The following ZDHHC21 variants were observed in gnomAD, a reference collection of about 807,000 sequenced individuals.
ZDHHC21 encodes palmitoyltransferase ZDHHC21.
A neutral mutation model predicts 34.6 loss-of-function variants in ZDHHC21; 15 were observed. The observed-to-expected ratio is 0.43, with a 90% CI of 0.29 to 0.67. The LOEUF is 0.67. Among genes scored for constraint, ZDHHC21 ranks in the 30% least tolerant of loss-of-function variants. The probability of loss-of-function intolerance (pLI) is 0.14; values close to 1 mark genes in which losing one functional copy is unlikely to be tolerated. For synonymous variants in ZDHHC21, 142 were observed against 101.8 expected, an observed-to-expected ratio of 1.40 and a Z score of -2.38; for missense variants, 344 against 327.7, an observed-to-expected ratio of 1.05 and a Z score of -0.38.
the ZDHHC21 span, among the ~76,000 whole-genome samples, chr9:14,604,322 T>C: frequency 2.6e-5 from 4 of 152,172 alleles, no homozygotes; most frequent in Non-Finnish European, 5.9e-5. Context: ...ATTCAAATAA[T>C]TGTTCTGTGG....
chr9:14,614,101 C>T lies in ZDHHC21; in HGVS notation c.*4865G>A, dbSNP rs758065085. On this transcript the variant is annotated 3_prime_UTR_variant, in exon 10 of 10. Coordinates refer to ENST00000380916, the MANE Select transcript of ZDHHC21 (RefSeq NM_178566.6). ...CTAAAATGATTACAGCAAAGAGATT[C>T]TCTGATGTCAGAAACTGGCTCCAGT... 2.0e-4 allele frequency: 30 copies of T among 151,674 alleles called. No individual in the cohort carries two copies. The highest frequency in any genetic ancestry group is 3.1e-4 in the Non-Finnish European group (21 of 67,740). 9.4% of individuals were successfully genotyped at this position (151,674 alleles called of 1,614,324 possible).
intron 7 of ZDHHC21, among the ~76,000 whole-genome samples, chr9:14,657,336 T>C (rs1361977626): frequency 6.6e-6 from 1 of 152,160 alleles, no homozygotes; most frequent in Non-Finnish European, 1.5e-5. Context: ...AGTTTACATA[T>C]ATTATTTCAT....
chr9:14,652,641 G>A (rs1831427893), intron 7 of ZDHHC21, among the ~76,000 whole-genome samples: 1 of 151,888 alleles, frequency 6.6e-6, no homozygotes. Flanking sequence ...GAGAGAAATG[G>A]AAGAAAATCA....
At chr9:14,609,110 T>C (rs557069307), downstream of ZDHHC21, among the ~76,000 whole-genome samples, 2 of 152,070 alleles carry the variant, frequency 1.3e-5, no homozygotes, top group South Asian at 2.1e-4. Context: ...CCAAATTAAC[T>C]AGATTAAACC....
In ZDHHC21 at chr9:14,619,088, G is replaced by C. The variant is rs766685168; in HGVS notation, c.676C>G (p.Arg226Gly). ...GAGAAGGTCTGCTGCCATGGCTTTC[G>C]GGGCCTCGATCTACAGAAGACAGCA... is the stretch of plus-strand genomic sequence containing the variant. ...SNCCEDISRPRKPWQQTFSEV... is the reference protein window; with the variant it reads ...SNCCEDISRPGKPWQQTFSEV... Residue 226 changes from arginine to glycine, a missense_variant, in exon 10 of 10, where the codon CGA (arginine) becomes GGA (glycine). Transcript: ENST00000380916. 4 of 1,608,742 alleles carry C rather than the reference G, an allele frequency of 2.5e-6. No individual in the cohort carries two copies. Among genetic ancestry groups the C allele is most frequent in the South Asian group, 2.2e-5 (2 of 90,314 alleles).
At chr9:14,591,394 C>T in the ZDHHC21 span, among the ~76,000 whole-genome samples, 28 of 152,186 alleles carry the variant, frequency 1.8e-4, no homozygotes, top group South Asian at 5.4e-3. Context: ...CCTTCTGCCA[C>T]TGAGAATGCA....
the ZDHHC21 span, among the ~76,000 whole-genome samples, chr9:14,591,056 A>T: frequency 6.6e-6 from 1 of 152,264 alleles, no homozygotes; most frequent in South Asian, 2.1e-4. Flanking sequence ...AGTCTGTGAT[A>T]TGGCATATTG....
intron 5 of ZDHHC21, among the ~76,000 whole-genome samples, chr9:14,665,522 G>A (rs1014351514): frequency 6.6e-6 from 1 of 151,954 alleles, no homozygotes; most frequent in Non-Finnish European, 1.5e-5. Context: ...TCCCCAAGAA[G>A]AAAAACTCCA....
At chr9:14,608,034 G>A (rs16932051), downstream of ZDHHC21, among the ~76,000 whole-genome samples, 550 of 152,210 alleles carry the variant, frequency 3.6e-3, 2 homozygotes, top group African/African-American at 0.013. Flanking sequence ...TGAAAAACTC[G>A]CTAAAAGCCA....
chr9:14,609,324 T>C (rs1166655698), downstream of ZDHHC21, among the ~76,000 whole-genome samples: 1 of 152,124 alleles, frequency 6.6e-6, no homozygotes, highest in Non-Finnish European at 1.5e-5. Flanking sequence ...ACTGTTTGAG[T>C]TGCAAGCTGA....
chr9:14,674,129 A>G, intron 4 of ZDHHC21, 58 bp downstream of exon 4: 1 of 1,268,474 alleles, frequency 7.9e-7, no homozygotes, highest in Non-Finnish European at 1.0e-6. Context: ...ACTACACCCC[A>G]AAAACGTTTA....
chr9:14,635,098 G>A (rs1586981987), intron 8 of ZDHHC21, among the ~76,000 whole-genome samples: 1 of 152,200 alleles, frequency 6.6e-6, no homozygotes, highest in African/African-American at 2.4e-5. Context: ...TTCATTACTT[G>A]AAGACAGGTA....
At position 14,664,050 on chromosome 9, in the gene ZDHHC21, G is replaced by A. The variant is rs577360609; in HGVS notation, c.254-1724C>T. On this transcript the variant is annotated intron_variant, in intron 5 of 9. Transcript: ENST00000380916. ...ACAGCTCCGGTCTACAGCTCCCAGC[G>A]TGAGCGACGCAGAAGACGGGTGATT... Among the ~76,000 whole-genome samples, 5 of 152,312 alleles carry A rather than the reference G, an allele frequency of 3.3e-5. 1 individual carries two copies. The South Asian group carries it at 1.0e-3, about 32-fold the overall frequency.
At chr9:14,639,296 G>A (rs1407356944) in intron 8 of ZDHHC21, among the ~76,000 whole-genome samples, 2 of 152,058 alleles carry the variant, frequency 1.3e-5, no homozygotes, top group Non-Finnish European at 2.9e-5. Context: ...TCATATGGGA[G>A]AGCCAAAAAA....
At chr9:14,682,324 C>T (rs1431587229) in intron 2 of ZDHHC21, among the ~76,000 whole-genome samples, 1 of 151,796 alleles carries the variant, frequency 6.6e-6, no homozygotes, top group Non-Finnish European at 1.5e-5. Flanking sequence ...CACATAGGCT[C>T]AAAATAAAGG....
chr9:14,608,657 T>A (rs922559015), downstream of ZDHHC21, among the ~76,000 whole-genome samples: 1 of 151,928 alleles, frequency 6.6e-6, no homozygotes, highest in Non-Finnish European at 1.5e-5. Context: ...TTAGCTTAGA[T>A]GTATTTTTTT....
rs1032168797 is a variant in ZDHHC21, at chr9:14,612,375, G to A, written c.*6591C>T. ...CTTGCCAGAATGATTAACCATTTTAGCTGCAGTTGTAAGGACACTGAGTGT... is the reference window on the plus strand; with the variant it reads ...CTTGCCAGAATGATTAACCATTTTAACTGCAGTTGTAAGGACACTGAGTGT... On this transcript the variant is annotated 3_prime_UTR_variant, in exon 10 of 10. Transcript: ENST00000380916. 4 of 151,920 alleles carry A rather than the reference G, an allele frequency of 2.6e-5. No homozygotes were observed. Among genetic ancestry groups the A allele is most frequent in the African/African-American group, 9.7e-5 (4 of 41,402 alleles). 9.4% of individuals were successfully genotyped at this position (151,920 alleles called of 1,614,324 possible).
At chr9:14,674,631 C>T (rs952266379) in intron 3 of ZDHHC21, among the ~76,000 whole-genome samples, 21 of 151,970 alleles carry the variant, frequency 1.4e-4, no homozygotes, top group African/African-American at 4.6e-4. Flanking sequence ...CAATGTTTCA[C>T]TATGAACTGC....
intron 5 of ZDHHC21, among the ~76,000 whole-genome samples, chr9:14,664,023 G>C (rs955426474): frequency 6.6e-6 from 1 of 152,188 alleles, no homozygotes; most frequent in Non-Finnish European, 1.5e-5. Context: ...GGCCGAATAG[G>C]AACAGCTCCG....
Sources: allele counts gnomAD v4.1 joint callset (sites outside exome capture counted in the v4.1 genomes callset), GRCh38; gene constraint gnomAD v4.1.1; transcripts MANE v1.5; gene names NCBI Gene and HGNC (gene_info 2026-07-23, HGNC 2026-07-21).